Variants in ZDHHC7 observed in about 807,000 individuals in gnomAD.
ZDHHC7 encodes the protein zDHHC palmitoyltransferase 7, also known as palmitoyltransferase ZDHHC7.
A neutral mutation model predicts 34.1 loss-of-function variants in ZDHHC7; 12 were observed. The ratio of observed to expected loss-of-function variants is 0.35; its 90% confidence interval spans 0.23 to 0.57. ZDHHC7 has a LOEUF of 0.57. Among genes scored for constraint, ZDHHC7 ranks in the 20% least tolerant of loss-of-function variants. The pLI is 0.84. For missense variants in ZDHHC7, 388 were observed against 402.7 expected (o/e 0.96, Z 0.31); for synonymous variants, 185 against 155.4 (o/e 1.19, Z -1.42).
upstream of ZDHHC7, among the ~76,000 whole-genome samples, chr16:85,013,433 G>C (rs1276970855): frequency 6.6e-6 from 1 of 152,066 alleles, no homozygotes; most frequent in East Asian, 1.9e-4. Context: ...AGTAAAGATA[G>C]GGTTTTGCCA....
chr16:85,010,901 C>T (rs1398220141), intron 1 of ZDHHC7, among the ~76,000 whole-genome samples: 1 of 152,248 alleles, frequency 6.6e-6, no homozygotes, highest in African/African-American at 2.4e-5. Flanking sequence ...AAGTGCGAGA[C>T]TGCTCATTGT....
chr16:84,984,366 A>G lies in ZDHHC7; in HGVS notation c.316-2372T>C, dbSNP rs546565340. ...CCTCCAACAATCTAGGGATCTTAACACTGCTTTGATTTATAAAATTCCACA... is the reference window on the plus strand; with the variant it reads ...CCTCCAACAATCTAGGGATCTTAACGCTGCTTTGATTTATAAAATTCCACA... On this transcript the variant is annotated intron_variant, in intron 3 of 7. Coordinates refer to ENST00000313732, the MANE Select transcript of ZDHHC7 (RefSeq NM_017740.3). Among the ~76,000 whole-genome samples the G allele has an allele frequency of 2.0e-5, 3 of 152,120 alleles. No individual in the cohort carries two copies. In the East Asian group the frequency reaches 5.8e-4, roughly 29 times the overall value.
At chr16:84,981,339 C>CA (rs1261417867) in intron 4 of ZDHHC7, among the ~76,000 whole-genome samples, 2 of 152,000 alleles carry the variant, frequency 1.3e-5, no homozygotes, top group Non-Finnish European at 1.5e-5. Context: ...CAAATAAATA[C>CA]AAAAAAACAA....
intron 3 of ZDHHC7, 28 bp downstream of exon 3, chr16:84,990,276 G>A (rs749724609): frequency 6.2e-7 from 1 of 1,605,276 alleles, no homozygotes; most frequent in South Asian, 1.1e-5. Context: ...ACACAAGAGA[G>A]CCACCCAGAG....
Position 84,976,269 on chromosome 16 carries a change from G to C in ZDHHC7, c.*74C>G, listed in dbSNP as rs1392061956. ...CAGTTGCCCTGTTGGTCACAGATGAGCTGTTGATATCCTTCAGACCCCAAA... is the reference window on the plus strand; with the variant it reads ...CAGTTGCCCTGTTGGTCACAGATGACCTGTTGATATCCTTCAGACCCCAAA... On this transcript the variant is annotated 3_prime_UTR_variant, in exon 8 of 8. Transcript: ENST00000313732. 6.4e-7 allele frequency: 1 copy of C among 1,570,300 alleles called. No homozygotes were observed. The highest frequency in any genetic ancestry group is 2.2e-5 in the East Asian group (1 of 44,568).
At chr16:84,987,256 G>T (rs1258921014) in intron 3 of ZDHHC7, among the ~76,000 whole-genome samples, 4 of 152,228 alleles carry the variant, frequency 2.6e-5, no homozygotes, top group African/African-American at 9.6e-5. Context: ...AAGCAGACAT[G>T]CTTCCAAAGA....
At chr16:84,976,646 T>G in intron 7 of ZDHHC7, 127 bp from the exon 8 acceptor site, 2 of 1,292,744 alleles carry the variant, frequency 1.5e-6, no homozygotes, top group South Asian at 1.4e-5. Flanking sequence ...TGAACTCTCC[T>G]TCCCAGCTCT....
rs199803680 is a variant in ZDHHC7 at position 84,978,102 on chromosome 16, G to A, written c.538-97C>T. The A allele has an allele frequency of 1.6e-5, 15 of 925,048 alleles. No homozygotes were observed. In the East Asian group the frequency reaches 4.1e-4, roughly 25 times the overall value. 57.3% of individuals were successfully genotyped at this position (925,048 alleles called of 1,614,324 possible). The stretch of plus-strand genomic sequence containing the variant: ...GTCCAGGCTGGAATGCAGCGGCGTA[G>A]TCTCAGCTCACTGCAACCTCCGCCT... On this transcript the variant is annotated intron_variant, in intron 5 of 7. Coordinates refer to ENST00000313732, the MANE Select transcript of ZDHHC7 (RefSeq NM_017740.3).
chr16:84,982,905 C>T (rs1239497688), intron 3 of ZDHHC7, among the ~76,000 whole-genome samples: 1 of 152,256 alleles, frequency 6.6e-6, no homozygotes, highest in Non-Finnish European at 1.5e-5. Flanking sequence ...GTCACCCTAC[C>T]AGCACCATGT....
the ZDHHC7 span, among the ~76,000 whole-genome samples, chr16:85,021,760 AAAGAG>A: frequency 6.6e-6 from 1 of 151,494 alleles, no homozygotes; most frequent in Non-Finnish European, 1.5e-5. Context: ...AGAGAGAGAG[AAAGAG>A]GAGGAGATAA....
At chr16:85,014,403 T>A (rs1282826826), upstream of ZDHHC7, among the ~76,000 whole-genome samples, 1 of 152,218 alleles carries the variant, frequency 6.6e-6, no homozygotes, top group African/African-American at 2.4e-5. Context: ...CTCTTTTTTT[T>A]AGAAAAGGTT....
At chr16:85,016,303 T>C (rs1295279743), upstream of ZDHHC7, among the ~76,000 whole-genome samples, 1 of 151,854 alleles carries the variant, frequency 6.6e-6, no homozygotes, top group Non-Finnish European at 1.5e-5. Flanking sequence ...ATTATAGGCA[T>C]GCGCCAGCAC....
At chr16:84,989,576 T>C (rs1434507553) in intron 3 of ZDHHC7, among the ~76,000 whole-genome samples, 1 of 149,360 alleles carries the variant, frequency 6.7e-6, no homozygotes, top group East Asian at 2.0e-4. Context: ...ATGCCTGTAA[T>C]CCCAGCTACT....
intron 4 of ZDHHC7, among the ~76,000 whole-genome samples, chr16:84,980,269 C>T (rs1434970163): frequency 6.6e-6 from 1 of 150,646 alleles, no homozygotes; most frequent in African/African-American, 2.5e-5. Flanking sequence ...CCGCCCATAG[C>T]GTCACCTTCT....
the ZDHHC7 span, among the ~76,000 whole-genome samples, chr16:85,019,410 T>C: frequency 7.2e-5 from 11 of 152,208 alleles, no homozygotes; most frequent in African/African-American, 2.4e-4. Context: ...AGTGAGACCC[T>C]GCCTCTAAAA....
rs1484742759 is a variant in ZDHHC7, at chr16:84,974,247, G to T, written c.*2096C>A. The T allele has an allele frequency of 6.6e-6, 1 of 152,172 alleles. No homozygotes were observed. The highest frequency in any genetic ancestry group is 1.5e-5 in the Non-Finnish European group (1 of 68,036). The allele number at this position is 152,172 out of a possible 1,614,324, so 9.4% of individuals were successfully genotyped here. A position where few individuals can be genotyped will look rare whatever the true frequency, so the allele number is the denominator to read the frequency against. On this transcript the variant is annotated 3_prime_UTR_variant, in exon 8 of 8. Transcript: ENST00000313732. ...AGGACTAAGTAAAACGATGGGAGTC[G>T]AATTAAACATTCAACAAGCAACAGT... is the stretch of plus-strand genomic sequence containing the variant.
chr16:85,014,638 T>A (rs1247967591), upstream of ZDHHC7, among the ~76,000 whole-genome samples: 2 of 152,156 alleles, frequency 1.3e-5, no homozygotes, highest in Non-Finnish European at 2.9e-5. Context: ...TGATCCAGTC[T>A]CCAGGGCTTA....
At chr16:85,003,127 A>C (rs1266988137) in intron 1 of ZDHHC7, among the ~76,000 whole-genome samples, 1 of 152,172 alleles carries the variant, frequency 6.6e-6, no homozygotes, top group Non-Finnish European at 1.5e-5. Flanking sequence ...GGGAGAGGCC[A>C]ACCTCAGAGT....
intron 6 of ZDHHC7, 44 bp downstream of exon 6, chr16:84,977,880 A>T (rs755770899): frequency 6.7e-7 from 1 of 1,499,358 alleles, no homozygotes; most frequent in Non-Finnish European, 9.2e-7. Context: ...TTCATCCAAT[A>T]ACAGCATGCA....
Sources: allele counts gnomAD v4.1 joint callset (sites outside exome capture counted in the v4.1 genomes callset), GRCh38; gene constraint gnomAD v4.1.1; transcripts MANE v1.5; gene names NCBI Gene and HGNC (gene_info 2026-07-23, HGNC 2026-07-21).